SALL2: variants seen among roughly 807,000 people sequenced by gnomAD.
SALL2 encodes the protein spalt like transcription factor 2.
Under a neutral mutation model 58.5 loss-of-function variants are expected in SALL2, and 32 were observed. The ratio of observed to expected loss-of-function variants is 0.55; its 90% CI spans 0.41 to 0.74. The LOEUF (loss-of-function observed/expected upper bound fraction) is 0.74, where lower values mean the gene tolerates loss of function less well. SALL2 is among the 30% of genes least tolerant of loss of function. The pLI, the probability that SALL2 is intolerant of heterozygous loss-of-function variation, is 0.00. For synonymous variants in SALL2, 516 were observed against 513.6 expected, an observed-to-expected ratio of 1.00 and a Z score of -0.06; for missense variants, 1,201 against 1,268.9, an observed-to-expected ratio of 0.95 and a Z score of 0.81.
upstream of SALL2, chr14:21,526,600 C>T (rs1424538680): frequency 6.6e-6 from 5 of 752,318 alleles, no homozygotes; most frequent in Non-Finnish European, 5.0e-6. Context: ...CCCTCCCCTC[C>T]TAAGCTCTAG....
In SALL2 at chr14:21,521,560, C is replaced by T. The variant is rs1052030033; in HGVS notation, c.*1144G>A. On this transcript the variant is annotated 3_prime_UTR_variant, in exon 2 of 2. Coordinates refer to ENST00000537235, the MANE Select transcript of SALL2 (RefSeq NM_001364564.1). ...CACTATTAGCCCAAAAGAATATTAA[C>T]GAGAATGTCCAGACATTCACAAGAA... 8.2e-5 allele frequency: 10 copies of T among 121,356 alleles called. No homozygotes were observed. The highest frequency in any genetic ancestry group is 2.2e-4 in the African/African-American group (6 of 27,322). 7.5% of individuals were successfully genotyped at this position (121,356 alleles called of 1,614,324 possible).
chr14:21,523,845 G>T lies in SALL2; in HGVS notation c.1877C>A (p.Ser626Tyr). ...ACAGATGACACACTGGTTAGGTCCA[G>T]AAGAGGCTGAGGATGAAGGTGCAGG... is the stretch of plus-strand genomic sequence containing the variant. ...SAPAPSSSAS[S>Y]GPNQCVICLR... Residue 626 changes from serine to tyrosine, a missense_variant, in exon 2 of 2, where the codon TCT (serine) becomes TAT (tyrosine). Physicochemically the swap from Ser to Tyr is moderately radical, Grantham distance 144 (BLOSUM62 -2). This residue lies in a region of SALL2 where 675 missense variants were observed against 683.8 expected (regional missense o/e 0.99). Coordinates refer to ENST00000537235, the MANE Select transcript of SALL2 (RefSeq NM_001364564.1). The surrounding 1 kb of genome is among the most constrained non-coding windows in gnomAD (Gnocchi z 4.4). The T allele has an allele frequency of 2.5e-6, 4 of 1,614,216 alleles. No individual in the cohort carries two copies. Among genetic ancestry groups the T allele is most frequent in the Non-Finnish European group, 3.4e-6 (4 of 1,180,050 alleles).
chr14:21,526,145 A>AG lies in SALL2; in HGVS notation c.-19dup. 1 of 1,539,044 alleles carries AG rather than the reference A, an allele frequency of 6.5e-7. No homozygotes were observed. Among genetic ancestry groups the AG allele is most frequent in the Non-Finnish European group, 8.7e-7 (1 of 1,148,934 alleles). On this transcript the variant is annotated 5_prime_UTR_variant, in exon 1 of 2. Transcript: ENST00000537235. ...TGCGCCATGGTTGTGGGGGAAGTGGAGGGCCAGGTGGGGTGGGAGACAATG... is the reference window on the plus strand; with the variant it reads ...TGCGCCATGGTTGTGGGGGAAGTGGAGGGGCCAGGTGGGGTGGGAGACAATG...
In SALL2 at chr14:21,521,791, T is replaced by C; in HGVS notation, c.*913A>G. On this transcript the variant is annotated 3_prime_UTR_variant, in exon 2 of 2. Transcript: ENST00000537235. ...AAGAAATCAGCTTGTTTCCCAACTT[T>C]GAGAGGTCATCATGAATGAGAAGCT... is the stretch of plus-strand genomic sequence containing the variant. 1.9e-6 allele frequency: 1 copy of C among 515,950 alleles called. No individual in the cohort carries two copies. Among genetic ancestry groups the C allele is most frequent in the African/African-American group, 1.9e-5 (1 of 52,868 alleles). 32.0% of individuals were successfully genotyped at this position (515,950 alleles called of 1,614,324 possible). A position where few individuals can be genotyped will look rare whatever the true frequency, so the allele number is the denominator to read the frequency against.
At position 21,522,261 on chromosome 14, in the gene SALL2, C is replaced by A. The variant is rs1056288102; in HGVS notation, c.*443G>T. ...ATACTGGTTCTAGAAAGATAGGGGA[C>A]CCATACCCACCAGCTGAGCAGAAAG... On this transcript the variant is annotated 3_prime_UTR_variant, in exon 2 of 2. Coordinates refer to ENST00000537235, the MANE Select transcript of SALL2 (RefSeq NM_001364564.1). 5.7e-6 allele frequency: 9 copies of A among 1,571,920 alleles called. No individual in the cohort carries two copies. The highest frequency in any genetic ancestry group is 7.7e-6 in the Non-Finnish European group (9 of 1,165,246).
Position 21,523,091 on chromosome 14 carries a change from G to A in SALL2, c.2631C>T (p.Leu877=). Residue 877 remains leucine, a synonymous_variant, in exon 2 of 2, where the codon CTC becomes CTT. Coordinates refer to ENST00000537235, the MANE Select transcript of SALL2 (RefSeq NM_001364564.1). The surrounding 1 kb of genome is among the most constrained non-coding windows in gnomAD (Gnocchi z 4.4). ...CGCTGGTGGCTTCCCCTTCTGGGGT[G>A]AGTGCTGATGCCGGACTTGAGCTTC... ...PERSSSPASA[L]TPEGEATSVT... is the part of the protein sequence containing the mutation. 2 of 1,614,162 alleles carry A rather than the reference G, an allele frequency of 1.2e-6. No homozygotes were observed. The highest frequency in any genetic ancestry group is 1.7e-6 in the Non-Finnish European group (2 of 1,180,026).
At position 21,526,286 on chromosome 14, in the gene SALL2, G is replaced by T. The variant is rs531378861; in HGVS notation, c.-159C>A. 5.6e-6 allele frequency: 8 copies of T among 1,439,512 alleles called. No homozygotes were observed. The Admixed American group carries it at 1.1e-4, about 20-fold the overall frequency. 89.2% of individuals were successfully genotyped at this position (1,439,512 alleles called of 1,614,324 possible). A position where few individuals can be genotyped will look rare whatever the true frequency, so the allele number is the denominator to read the frequency against. ...GCGGGGGCAGGGAGCAGCGGCGGAG[G>T]GGGAGGGGAGCGAGGAGGCGGGGAG... On this transcript the variant is annotated 5_prime_UTR_variant, in exon 1 of 2. Coordinates refer to ENST00000537235, the MANE Select transcript of SALL2 (RefSeq NM_001364564.1).
Position 21,525,938 on chromosome 14 carries a change from G to C in SALL2, c.67+123C>G. ...AGGCCACAAGCGAGTTCACGGAATA[G>C]GTGTGGGGACAGGGGCCTACGCAGA... On this transcript the variant is annotated intron_variant, in intron 1 of 1. Coordinates refer to ENST00000537235, the MANE Select transcript of SALL2 (RefSeq NM_001364564.1). The surrounding 1 kb of genome is among the most constrained non-coding windows in gnomAD (Gnocchi z 4.4). 1.0e-6 allele frequency: 1 copy of C among 994,816 alleles called. No individual in the cohort carries two copies. The highest frequency in any genetic ancestry group is 1.6e-5 in the African/African-American group (1 of 62,868). The allele number at this position is 994,816 out of a possible 1,614,324, so 61.6% of individuals were successfully genotyped here.
rs752751736 is a variant in SALL2, at chr14:21,526,095, G to A, written c.33C>T (p.Leu11=). The A allele has an allele frequency of 1.3e-6, 2 of 1,526,606 alleles. No individual in the cohort carries two copies. The highest frequency in any genetic ancestry group is 1.7e-4 in the Middle Eastern group (1 of 5,914). 94.6% of individuals were successfully genotyped at this position (1,526,606 alleles called of 1,614,324 possible). The stretch of plus-strand genomic sequence containing the variant: ...CTGCCGGCTCCCCGCAGGGCACCCC[G>A]AGACGAGAGCTCCTCTCGGATTCGT... MAHESERSSR[L]GVPCGEPAEL... Residue 11 remains leucine (L), a synonymous_variant, in exon 1 of 2, where the codon CTC becomes CTT. Coordinates refer to ENST00000537235, the MANE Select transcript of SALL2 (RefSeq NM_001364564.1).
Position 21,522,215 on chromosome 14 carries a change from G to A in SALL2, c.*489C>T. The A allele has an allele frequency of 1.3e-6, 2 of 1,596,700 alleles. No homozygotes were observed. Among genetic ancestry groups the A allele is most frequent in the African/African-American group, 1.3e-5 (1 of 75,018 alleles). On this transcript the variant is annotated 3_prime_UTR_variant, in exon 2 of 2. Coordinates refer to ENST00000537235, the MANE Select transcript of SALL2 (RefSeq NM_001364564.1). Reference sequence around the variant, plus strand: ...TGGAATTCCAGGGCTTCATGGGCAGGCCATTTGACAGGAATGCCACATACT... The same window carrying A: ...TGGAATTCCAGGGCTTCATGGGCAGACCATTTGACAGGAATGCCACATACT...
rs890122609 is a variant in SALL2, at chr14:21,526,118, C to T, written c.10G>A (p.Glu4Lys). MAH[E>K]SERSSRLGVP... ...CCGAGACGAGAGCTCCTCTCGGATTCGTGCGCCATGGTTGTGGGGGAAGTG... is the reference window on the plus strand; with the variant it reads ...CCGAGACGAGAGCTCCTCTCGGATTTGTGCGCCATGGTTGTGGGGGAAGTG... Residue 4 changes from glutamate (E) to lysine (K), a missense_variant, in exon 1 of 2, where the codon GAA becomes AAA. Around this residue, in one of 3 missense-constraint regions of SALL2, gnomAD observed 467 missense variants for 468.9 expected, o/e 1.00. Coordinates refer to ENST00000537235, the MANE Select transcript of SALL2 (RefSeq NM_001364564.1). The T allele has an allele frequency of 8.4e-6, 13 of 1,540,722 alleles. 1 individual carries two copies. The Admixed American group carries it at 1.2e-4, about 14-fold the overall frequency.
Position 21,523,358 on chromosome 14 carries a change from A to C in SALL2, c.2364T>G (p.Ser788Arg). The C allele has an allele frequency of 6.2e-7, 1 of 1,612,218 alleles. No homozygotes were observed. Among genetic ancestry groups the C allele is most frequent in the South Asian group, 1.1e-5 (1 of 91,006 alleles). The part of the protein sequence containing the change: ...EDSLAGRGSE[S>R]GGEKAISVRG... ...TCACTGATATTGCCTTCTCACCTCCACTCTCTGAGCCTCTCCCTGCCAGGG... is the reference window on the plus strand; with the variant it reads ...TCACTGATATTGCCTTCTCACCTCCCCTCTCTGAGCCTCTCCCTGCCAGGG... The change falls in exon 2 of 2, where the codon AGT becomes AGG. Residue 788 changes from serine (S) to arginine (R), a missense_variant. Physicochemically the swap from Ser to Arg is moderately radical, Grantham distance 110. Around this residue, in one of 3 missense-constraint regions of SALL2, gnomAD observed 675 missense variants for 683.8 expected, o/e 0.99. Coordinates refer to ENST00000537235, the MANE Select transcript of SALL2 (RefSeq NM_001364564.1). This position sits in a 1 kb window ranked among gnomAD's most constrained non-coding sequence, Gnocchi z 4.4.
At position 21,523,145 on chromosome 14, in the gene SALL2, T is replaced by G. The variant is rs201084373; in HGVS notation, c.2577A>C (p.Gly859=). The G allele has an allele frequency of 5.5e-5, 88 of 1,614,006 alleles. No individual in the cohort carries two copies. Among genetic ancestry groups the G allele is most frequent in the Non-Finnish European group, 7.1e-5 (84 of 1,180,038 alleles). The stretch of plus-strand genomic sequence containing the variant: ...CCGGTTTGCCCCCCTCTTCCTTGCC[T>G]CCTAAAACACCACTGCTTCCCTGCT... The part of the protein sequence containing the change: ...PMEQGSSGVL[G]GKEEGGKPER... The change falls in exon 2 of 2, where the codon GGA becomes GGC. Residue 859 remains glycine (G), a synonymous_variant. Transcript: ENST00000537235. This position sits in a 1 kb window ranked among gnomAD's most constrained non-coding sequence, Gnocchi z 4.4.
At chr14:21,527,216 CTT>C (rs1892345553), upstream of SALL2, among the ~76,000 whole-genome samples, 1 of 152,166 alleles carries the variant, frequency 6.6e-6, no homozygotes, top group Non-Finnish European at 1.5e-5. Flanking sequence ...GGGGAGCCCT[CTT>C]GAAACAATGC....
In SALL2 at chr14:21,522,932, G is replaced by A; in HGVS notation, c.2790C>T (p.Thr930=). The part of the protein sequence containing the change: ...SQAALEEHQK[T]HPKEGPLFTC... Reference sequence around the variant, plus strand: ...TGAAGAGCGGCCCCTCCTTGGGGTGGGTCTTCTGATGCTCCTCCAGAGCTG... The same window carrying A: ...TGAAGAGCGGCCCCTCCTTGGGGTGAGTCTTCTGATGCTCCTCCAGAGCTG... Residue 930 remains threonine, a synonymous_variant, in exon 2 of 2, where the codon ACC becomes ACT. Coordinates refer to ENST00000537235, the MANE Select transcript of SALL2 (RefSeq NM_001364564.1). 4 of 1,614,000 alleles carry A rather than the reference G, an allele frequency of 2.5e-6. No individual in the cohort carries two copies. Among genetic ancestry groups the A allele is most frequent in the East Asian group, 4.5e-5 (2 of 44,870 alleles).
rs1892195582 is a variant in SALL2, at chr14:21,524,517, T to C, written c.1205A>G (p.Asn402Ser). The C allele has an allele frequency of 3.1e-6, 5 of 1,614,116 alleles. No individual in the cohort carries two copies. The highest frequency in any genetic ancestry group is 2.2e-5 in the South Asian group (2 of 91,090). Residue 402 changes from asparagine (N) to serine (S), a missense_variant, in exon 2 of 2, where the codon AAT becomes AGT. By Grantham distance (46) the Asn-to-Ser change is conservative. Around this residue, in one of 3 missense-constraint regions of SALL2, gnomAD observed 59 missense variants for 116.2 expected, o/e 0.51. Transcript: ENST00000537235. ...GGTGGTAAAACGGTTTCCACAGACA[T>C]TGCACTTATAGGGCCTCTCACCCGT... ...SHTGERPYKCNVCGNRFTTRG... is the reference protein window; with the variant it reads ...SHTGERPYKCSVCGNRFTTRG...
At chr14:21,531,059 A>T (rs10145148), upstream of SALL2, among the ~76,000 whole-genome samples, 53,507 of 152,126 alleles carry the variant, frequency 0.35, 9,711 homozygotes, top group Middle Eastern at 0.46. Context: ...GACACATAAT[A>T]ATCCTTTGCA....
In SALL2 at chr14:21,523,418, A is replaced by ATCCTCCTCTTCCTCCTCC. The variant is rs1892131608; in HGVS notation, c.2286_2303dup (p.Glu762_Glu767dup). The ATCCTCCTCTTCCTCCTCC allele has an allele frequency of 6.2e-7, 1 of 1,613,268 alleles. No homozygotes were observed. Among genetic ancestry groups the ATCCTCCTCTTCCTCCTCC allele is most frequent in the African/African-American group, 1.3e-5 (1 of 74,716 alleles). ...CAGTCACATCTTCCTCTTCTTCCTC[A>ATCCTCCTCTTCCTCCTCC]TCCTCCTCTTCCTCCTCCTCAGACA... is the stretch of plus-strand genomic sequence containing the variant. On this transcript the variant is annotated inframe_insertion, in exon 2 of 2. Coordinates refer to ENST00000537235, the MANE Select transcript of SALL2 (RefSeq NM_001364564.1). This position sits in a 1 kb window ranked among gnomAD's most constrained non-coding sequence, Gnocchi z 4.4.
chr14:21,531,746 G>A (rs867116184), intron 1 of SALL2, among the ~76,000 whole-genome samples: 2 of 62,152 alleles, frequency 3.2e-5, no homozygotes, highest in South Asian at 5.0e-4. Context: ...TCGCTCTGTC[G>A]CCCAGGCTGG....
Sources: gnomAD v4.1 joint callset for allele counts (sites outside exome capture counted in the v4.1 genomes callset) on GRCh38, gnomAD v4.1.1 for gene constraint, gnomAD v4.1.1 regional missense constraint, Gnocchi (gnomAD v3.1) non-coding constraint, MANE v1.5 for transcripts, NCBI Gene and HGNC (gene_info 2026-07-23, HGNC 2026-07-21) for gene names.